RHOQ: variants seen among roughly 807,000 people sequenced by gnomAD.
RHOQ encodes ras homolog family member Q, also known as rho-related GTP-binding protein RhoQ.
Under a neutral mutation model 25.8 loss-of-function variants are expected in RHOQ, and 7 were observed. The observed-to-expected ratio is 0.27, with a 90% CI of 0.15 to 0.51. RHOQ has a LOEUF of 0.51. Among genes scored for constraint, RHOQ ranks in the 20% least tolerant of loss-of-function variants. The pLI is 0.97. For synonymous variants in RHOQ, 97 were observed against 98.6 expected (o/e 0.98, Z 0.10); for missense variants, 165 against 260.6 (o/e 0.63, Z 2.53).
chr2:46,567,135 A>C (rs1218297575), intron 2 of RHOQ, among the ~76,000 whole-genome samples: 1 of 152,220 alleles, frequency 6.6e-6, no homozygotes, highest in Non-Finnish European at 1.5e-5. Flanking sequence ...GGAGAAATAA[A>C]AAGGAAAGTA....
At position 46,569,704 on chromosome 2, in the gene RHOQ, T is replaced by G. The variant is rs528004559; in HGVS notation, c.202-6383T>G. On this transcript the variant is annotated intron_variant, in intron 2 of 4. Transcript: ENST00000238738. This position sits in a 1 kb window ranked among gnomAD's most constrained non-coding sequence, Gnocchi z 4.1. ...CTGACTTATTATAAATCAAAACATA[T>G]GAAGATGACAGTAGCTAAAAGTAAG... The G allele has an allele frequency of 2.0e-5, 3 of 152,272 alleles. No homozygotes were observed. Among genetic ancestry groups the G allele is most frequent in the South Asian group, 2.1e-4 (1 of 4,832 alleles). 9.4% of individuals were successfully genotyped at this position (152,272 alleles called of 1,614,324 possible). A position where few individuals can be genotyped will look rare whatever the true frequency, so the allele number is the denominator to read the frequency against.
chr2:46,554,910 G>A (rs945975387), intron 2 of RHOQ, among the ~76,000 whole-genome samples: 5 of 151,788 alleles, frequency 3.3e-5, no homozygotes, highest in Non-Finnish European at 7.4e-5. Context: ...CAGCCACTGA[G>A]AGAGCATTTA....
At position 46,552,590 on chromosome 2, in the gene RHOQ, T is replaced by C. The variant is rs1668277061; in HGVS notation, c.201+8778T>C. 6.6e-6 allele frequency among the ~76,000 whole-genome samples: 1 copy of C among 152,278 alleles called. No individual in the cohort carries two copies. The highest frequency in any genetic ancestry group is 1.5e-5 in the Non-Finnish European group (1 of 68,046). ...CTTCCTCTGCCACCTGCTGCTCATA[T>C]TGTTTGCCCTCTTGGGCCATCCCCA... On this transcript the variant is annotated intron_variant, in intron 2 of 4. Transcript: ENST00000238738. This position sits in a 1 kb window ranked among gnomAD's most constrained non-coding sequence, Gnocchi z 5.0.
Position 46,543,764 on chromosome 2 carries a change from C to T in RHOQ, c.153C>T (p.Thr51=), listed in dbSNP as rs750733357. ...TVFDHYAVSV[T]VGGKQYLLGL... is the part of the protein sequence containing the mutation. ...CTTCTGTCCTTGCAGTCAGCGTCAC[C>T]GTGGGGGGCAAGCAGTACCTCCTAG... Residue 51 remains threonine (T), a synonymous_variant, in exon 2 of 5, where the codon ACC becomes ACT. Coordinates refer to ENST00000238738, the MANE Select transcript of RHOQ (RefSeq NM_012249.4). 41 of 1,613,624 alleles carry T rather than the reference C, an allele frequency of 2.5e-5. No homozygotes were observed. The highest frequency in any genetic ancestry group is 3.5e-5 in the Non-Finnish European group (41 of 1,179,878).
rs916070560 is a variant in RHOQ at position 46,555,369 on chromosome 2, T to A, written c.201+11557T>A. On this transcript the variant is annotated intron_variant, in intron 2 of 4. Coordinates refer to ENST00000238738, the MANE Select transcript of RHOQ (RefSeq NM_012249.4). The surrounding 1 kb of genome is among the most constrained non-coding windows in gnomAD (Gnocchi z 4.3). ...TCCCTGCAGGACTGCACGTAGCACA[T>A]AGCACTTTGCACAAGTGTTGGGGGC... Among the ~76,000 whole-genome samples the A allele has an allele frequency of 1.3e-5, 2 of 152,244 alleles. No homozygotes were observed. The highest frequency in any genetic ancestry group is 2.9e-5 in the Non-Finnish European group (2 of 68,044).
chr2:46,554,842 A>G (rs1664599847), intron 2 of RHOQ, among the ~76,000 whole-genome samples: 1 of 150,766 alleles, frequency 6.6e-6, no homozygotes, highest in South Asian at 2.1e-4. Context: ...TCCTCTTTCA[A>G]ATGGCATAAT....
intron 2 of RHOQ, among the ~76,000 whole-genome samples, chr2:46,565,220 C>G (rs1423062252): frequency 6.6e-6 from 1 of 152,126 alleles, no homozygotes; most frequent in African/African-American, 2.4e-5. Flanking sequence ...TGGCTTAATC[C>G]AACCAGGGAC....
intron 2 of RHOQ, among the ~76,000 whole-genome samples, chr2:46,549,804 G>C (rs1668184482): frequency 1.3e-5 from 2 of 152,164 alleles, no homozygotes; most frequent in Admixed American, 1.3e-4. Context: ...ACGCTCTCCT[G>C]CCCAGTGCCG....
chr2:46,564,574 C>T (rs1476579664), intron 2 of RHOQ, among the ~76,000 whole-genome samples: 4 of 152,206 alleles, frequency 2.6e-5, no homozygotes, highest in Admixed American at 2.6e-4. Context: ...CAAGTATTCA[C>T]ATTCCACATG....
Position 46,576,499 on chromosome 2 carries a change from T to A in RHOQ, c.367-62T>A. ...TATGTGGGAATTAAGTGGGATTACA[T>A]GCTTTGATTTTTCTTTAAAGATTTG... On this transcript the variant is annotated intron_variant, in intron 3 of 4. Transcript: ENST00000238738. The surrounding 1 kb of genome is among the most constrained non-coding windows in gnomAD (Gnocchi z 5.1). The A allele has an allele frequency of 9.2e-7, 1 of 1,082,826 alleles. No individual in the cohort carries two copies. Among genetic ancestry groups the A allele is most frequent in the Non-Finnish European group, 1.4e-6 (1 of 732,900 alleles). 67.1% of individuals were successfully genotyped at this position (1,082,826 alleles called of 1,614,324 possible). A position where few individuals can be genotyped will look rare whatever the true frequency, so the allele number is the denominator to read the frequency against.
intron 1 of RHOQ, 110 bp from the exon 2 acceptor site, chr2:46,543,644 C>G: frequency 1.1e-6 from 1 of 915,318 alleles, no homozygotes; most frequent in Non-Finnish European, 1.7e-6. Context: ...GGGGAGCGCC[C>G]CCACGCCTCT....
At chr2:46,577,793 G>C (rs1669189306) in intron 4 of RHOQ, among the ~76,000 whole-genome samples, 1 of 151,620 alleles carries the variant, frequency 6.6e-6, no homozygotes, top group Non-Finnish European at 1.5e-5. Flanking sequence ...TTTTCCTAAA[G>C]CAAAAAATAA....
intron 2 of RHOQ, among the ~76,000 whole-genome samples, chr2:46,545,532 G>T (rs553398479): frequency 5.2e-4 from 79 of 152,242 alleles, no homozygotes; most frequent in African/African-American, 1.9e-3. Flanking sequence ...ATTTTATTTA[G>T]TCCATAAAAC....
rs1324096299 is a variant in RHOQ at position 46,548,815 on chromosome 2, C to G, written c.201+5003C>G. On this transcript the variant is annotated intron_variant, in intron 2 of 4. Coordinates refer to ENST00000238738, the MANE Select transcript of RHOQ (RefSeq NM_012249.4). This position sits in a 1 kb window ranked among gnomAD's most constrained non-coding sequence, Gnocchi z 5.2. ...TTTTAGAAGCTATTTATATCTCTAG[C>G]CCACACCGCATCACACGGGAATGCT... Among the ~76,000 whole-genome samples, 1 of 152,188 alleles carries G rather than the reference C, an allele frequency of 6.6e-6. No individual in the cohort carries two copies. The highest frequency in any genetic ancestry group is 1.5e-5 in the Non-Finnish European group (1 of 68,032).
chr2:46,572,455 C>G (rs1668964090), intron 2 of RHOQ, among the ~76,000 whole-genome samples: 1 of 152,054 alleles, frequency 6.6e-6, no homozygotes, highest in Admixed American at 6.6e-5. Flanking sequence ...GAGGACTCTT[C>G]AACAAGGGAC....
At chr2:46,561,963 C>T (rs932812211) in intron 2 of RHOQ, among the ~76,000 whole-genome samples, 1 of 152,200 alleles carries the variant, frequency 6.6e-6, no homozygotes, top group Non-Finnish European at 1.5e-5. Context: ...TCATGACATC[C>T]CCTTGCTGCC....
chr2:46,579,913 G>A (rs957741329), intron 4 of RHOQ: 2 of 151,232 alleles, frequency 1.3e-5, no homozygotes, highest in Non-Finnish European at 2.9e-5. Context: ...TCTAGCCTTC[G>A]GCACAACATA....
chr2:46,549,511 G>A (rs1031043934), intron 2 of RHOQ, among the ~76,000 whole-genome samples: 3 of 152,214 alleles, frequency 2.0e-5, no homozygotes, highest in Non-Finnish European at 4.4e-5. Context: ...AGAGGCCTCA[G>A]ACACAACAGC....
chr2:46,557,663 C>T (rs188749627), intron 2 of RHOQ, among the ~76,000 whole-genome samples: 1 of 152,166 alleles, frequency 6.6e-6, no homozygotes, highest in East Asian at 1.9e-4. Context: ...CTTCTATATG[C>T]AGATGGTTTA....
Sources: allele counts gnomAD v4.1 joint callset (sites outside exome capture counted in the v4.1 genomes callset), GRCh38; gene constraint gnomAD v4.1.1; non-coding constraint Gnocchi (gnomAD v3.1); transcripts MANE v1.5; gene names NCBI Gene and HGNC (gene_info 2026-07-23, HGNC 2026-07-21).